The following COP1 variants were observed in gnomAD, a reference collection of about 807,000 sequenced individuals.
The protein encoded by COP1 is COP1 E3 ubiquitin ligase.
Under a neutral mutation model 101.3 loss-of-function variants are expected in COP1, and 24 were observed. That is an observed-to-expected ratio of 0.24 (90% CI 0.17 to 0.33). COP1 has a LOEUF of 0.33. COP1 is among the 10% of genes least tolerant of loss of function. COP1 has a pLI of 1.00. For missense variants in COP1, 663 were observed against 906.2 expected (o/e 0.73, Z 3.45); for synonymous variants, 347 against 341.9 (o/e 1.01, Z -0.17).
intron 5 of COP1, among the ~76,000 whole-genome samples, chr1:176,150,398 AT>A (rs1692234365): frequency 6.6e-6 from 1 of 152,114 alleles, no homozygotes; most frequent in African/African-American, 2.4e-5. Context: ...GAAGATTGAA[AT>A]TTTTTCTTGC....
intron 11 of COP1, among the ~76,000 whole-genome samples, chr1:176,055,317 C>T (rs528135752): frequency 2.6e-5 from 4 of 152,314 alleles, no homozygotes; most frequent in African/African-American, 7.2e-5. Flanking sequence ...CACCTGTAAT[C>T]CCAGCTACTC....
intron 1 of COP1, among the ~76,000 whole-genome samples, chr1:176,189,331 T>G (rs1010908183): frequency 6.6e-6 from 1 of 152,134 alleles, no homozygotes. Flanking sequence ...TCATTTGTTT[T>G]GGTCATATTT....
rs12091448 is a variant in COP1, at chr1:176,168,842, G to A, written c.566-4951C>T. The A allele has an allele frequency of 4.3e-3, 760 of 177,052 alleles. 6 individuals carry two copies. Among genetic ancestry groups the A allele is most frequent in the African/African-American group, 0.017 (691 of 41,784 alleles). 11.0% of individuals were successfully genotyped at this position (177,052 alleles called of 1,614,324 possible). A position where few individuals can be genotyped will look rare whatever the true frequency, so the allele number is the denominator to read the frequency against. ...GGGAAGGGAAGTCAGGAGGAAGAGG[G>A]GCTATAGTGTAGTGCTTACAGCAGG... On this transcript the variant is annotated intron_variant, in intron 3 of 19. Transcript: ENST00000367669.
chr1:176,055,220 G>C (rs554503709), intron 11 of COP1, among the ~76,000 whole-genome samples: 11 of 152,350 alleles, frequency 7.2e-5, no homozygotes, highest in African/African-American at 2.6e-4. Context: ...GATAACCTGA[G>C]GTCAGGACTT....
intron 18 of COP1, among the ~76,000 whole-genome samples, chr1:175,971,547 T>C (rs1432582056): frequency 6.6e-6 from 1 of 151,246 alleles, no homozygotes; most frequent in Non-Finnish European, 1.5e-5. Flanking sequence ...GGGAAGAAAA[T>C]GCCAAAGTGT....
chr1:176,037,509 C>A (rs888483335), intron 14 of COP1, among the ~76,000 whole-genome samples: 6 of 146,528 alleles, frequency 4.1e-5, no homozygotes, highest in Non-Finnish European at 9.0e-5. Context: ...CGAAAAATTA[C>A]AAAAACAGAA....
intron 18 of COP1, among the ~76,000 whole-genome samples, chr1:175,967,141 CA>C (rs1361920317): frequency 6.6e-6 from 1 of 152,118 alleles, no homozygotes; most frequent in Non-Finnish European, 1.5e-5. Context: ...CTGTCTAATG[CA>C]AAAACTGCTC....
At position 175,948,367 on chromosome 1, in the gene COP1, T is replaced by C. The variant is rs774620619; in HGVS notation, c.2134-1128A>G. Among the ~76,000 whole-genome samples, 4 of 152,104 alleles carry C rather than the reference T, an allele frequency of 2.6e-5. No homozygotes were observed. The East Asian group carries it at 5.8e-4, about 22-fold the overall frequency. Reference sequence around the variant, plus strand: ...GGTGGTAAACAGACTTAAAATGTCATAGAGGTCAGGCCAGGTGGCAGAGAG... The same window carrying C: ...GGTGGTAAACAGACTTAAAATGTCACAGAGGTCAGGCCAGGTGGCAGAGAG... On this transcript the variant is annotated intron_variant, in intron 18 of 19. Transcript: ENST00000367669.
In COP1 at chr1:176,207,191, G is replaced by C. The variant is rs990958889; in HGVS notation, c.-213C>G. ...CGGAGGAAACTAAAAAAGCGGAGTA[G>C]AAGGCACTACCGCTGTCGAGGCCGC... On this transcript the variant is annotated 5_prime_UTR_variant, in exon 1 of 20. Transcript: ENST00000367669. 9.6e-6 allele frequency: 4 copies of C among 417,230 alleles called. No individual in the cohort carries two copies. The highest frequency in any genetic ancestry group is 8.8e-5 in the Admixed American group (2 of 22,716). The allele number at this position is 417,230 out of a possible 1,614,324, so 25.8% of individuals were successfully genotyped here. A position where few individuals can be genotyped will look rare whatever the true frequency, so the allele number is the denominator to read the frequency against.
chr1:175,977,876 CA>C (rs1251697156), intron 18 of COP1, among the ~76,000 whole-genome samples: 1 of 151,980 alleles, frequency 6.6e-6, no homozygotes, highest in Non-Finnish European at 1.5e-5. Context: ...TACACCAATT[CA>C]AATAGTATCC....
At chr1:175,998,688 T>C (rs1305079518) in intron 15 of COP1, among the ~76,000 whole-genome samples, 1 of 152,074 alleles carries the variant, frequency 6.6e-6, no homozygotes, top group East Asian at 1.9e-4. Flanking sequence ...TAATGTACAA[T>C]AGTCCAGAGA....
intron 18 of COP1, among the ~76,000 whole-genome samples, chr1:175,966,414 T>C (rs756953102): frequency 1.8e-4 from 28 of 152,196 alleles, no homozygotes; most frequent in Non-Finnish European, 3.5e-4. Flanking sequence ...TTAATCTGCA[T>C]GGCAACCCAA....
At chr1:176,136,814 G>A (rs1194911914) in intron 6 of COP1, among the ~76,000 whole-genome samples, 4 of 151,986 alleles carry the variant, frequency 2.6e-5, no homozygotes, top group African/African-American at 9.7e-5. Context: ...AGTATGAGAT[G>A]AATGACAGTG....
At chr1:176,140,008 C>G (rs1690425392) in intron 6 of COP1, among the ~76,000 whole-genome samples, 1 of 152,034 alleles carries the variant, frequency 6.6e-6, no homozygotes, top group African/African-American at 2.4e-5. Context: ...CCAAAGACAG[C>G]CAATATTACT....
intron 11 of COP1, among the ~76,000 whole-genome samples, chr1:176,057,681 G>T (rs1037226648): frequency 2.6e-5 from 4 of 152,098 alleles, no homozygotes; most frequent in Admixed American, 2.0e-4. Context: ...ATCTCGGCTC[G>T]CTACAACCTC....
intron 15 of COP1, among the ~76,000 whole-genome samples, chr1:175,995,721 C>G (rs538103402): frequency 6.6e-6 from 1 of 152,160 alleles, no homozygotes. Context: ...TCTGAATAGA[C>G]CAATAACAGG....
At chr1:176,099,503 TTGTCTCTC>T (rs1190005751) in intron 9 of COP1, among the ~76,000 whole-genome samples, 3 of 94,666 alleles carry the variant, frequency 3.2e-5, no homozygotes, top group African/African-American at 8.2e-5. Context: ...TGGAGCATAT[TTGTCTCTC>T]TCTCTCTCTC....
chr1:176,170,574 G>A (rs1370135219), intron 3 of COP1, among the ~76,000 whole-genome samples: 8 of 152,242 alleles, frequency 5.3e-5, no homozygotes, highest in South Asian at 4.2e-4. Context: ...GTGGTCTTAC[G>A]ATATTCAGTA....
Position 176,072,228 on chromosome 1 carries a change from T to A in COP1, c.1277+8924A>T, listed in dbSNP as rs147695603. On this transcript the variant is annotated intron_variant, in intron 11 of 19. Transcript: ENST00000367669. ...GGATTATTTCTTCAAAGGAATATTT[T>A]TCAACAAGCAAATATGTGGACATAT... Among the ~76,000 whole-genome samples, 400 of 152,316 alleles carry A rather than the reference T, an allele frequency of 2.6e-3. 3 individuals are homozygous for A. Among genetic ancestry groups the A allele is most frequent in the African/African-American group, 9.2e-3 (382 of 41,580 alleles).
Sources: gnomAD v4.1 joint callset for allele counts (sites outside exome capture counted in the v4.1 genomes callset) on GRCh38, gnomAD v4.1.1 for gene constraint, MANE v1.5 for transcripts, NCBI Gene and HGNC (gene_info 2026-07-23, HGNC 2026-07-21) for gene names.